The following CFAP299 variants were observed in gnomAD, a reference collection of about 807,000 sequenced individuals.
CFAP299 encodes the protein cilia and flagella associated protein 299.
Under a neutral mutation model 27.0 loss-of-function variants are expected in CFAP299, and 21 were observed. The ratio of observed to expected loss-of-function variants is 0.78; its 90% CI spans 0.55 to 1.12. CFAP299 has a LOEUF of 1.12. CFAP299 is among the 50% of genes most tolerant of loss of function. The pLI, the probability that CFAP299 is intolerant of heterozygous loss-of-function variation, is 0.00. For synonymous variants in CFAP299, 104 were observed against 98.1 expected (o/e 1.06, Z -0.36); for missense variants, 310 against 276.6 (o/e 1.12, Z -0.86).
intron 2 of CFAP299, among the ~76,000 whole-genome samples, chr4:80,573,481 T>G (rs1396319013): frequency 6.6e-6 from 1 of 152,144 alleles, no homozygotes; most frequent in Non-Finnish European, 1.5e-5. Flanking sequence ...ATCCCATTTT[T>G]CTATTTTTGC....
At chr4:80,502,428 C>T (rs916960771) in intron 2 of CFAP299, among the ~76,000 whole-genome samples, 1 of 152,148 alleles carries the variant, frequency 6.6e-6, no homozygotes, top group Admixed American at 6.5e-5. Context: ...TTAGTGAGTT[C>T]AAGTTGCAGA....
chr4:80,752,661 C>T (rs1384142028), intron 3 of CFAP299, among the ~76,000 whole-genome samples: 2 of 151,474 alleles, frequency 1.3e-5, no homozygotes, highest in Admixed American at 1.3e-4. Context: ...TTAAATGTGG[C>T]AAAATCTGTG....
rs1404228646 is a variant in CFAP299, at chr4:80,555,724, G to T, written c.243-27369G>T. Among the ~76,000 whole-genome samples, 3 of 151,954 alleles carry T rather than the reference G, an allele frequency of 2.0e-5. No individual in the cohort carries two copies. The East Asian group carries it at 5.8e-4, about 29-fold the overall frequency. On this transcript the variant is annotated intron_variant, in intron 2 of 5. Coordinates refer to ENST00000358105, the MANE Select transcript of CFAP299 (RefSeq NM_152770.3). ...TTTCATTTCTTCCTTGTTCAGTCTT[G>T]GGAGGATGTATGTGTCCAGGAATTT...
rs189973764 is a variant in CFAP299 at position 80,596,033 on chromosome 4, G to T, written c.333+12850G>T. On this transcript the variant is annotated intron_variant, in intron 3 of 5. Coordinates refer to ENST00000358105, the MANE Select transcript of CFAP299 (RefSeq NM_152770.3). Reference sequence around the variant, plus strand: ...ATGAAACAGAATTGACCAAATGAAAGATCTTATTTTATATAATTATCTTTT... The same window carrying T: ...ATGAAACAGAATTGACCAAATGAAATATCTTATTTTATATAATTATCTTTT... 5.2e-3 allele frequency among the ~76,000 whole-genome samples: 790 copies of T among 152,168 alleles called. 4 individuals carry two copies. Among genetic ancestry groups the T allele is most frequent in the Middle Eastern group, 0.01 (3 of 294 alleles).
intron 4 of CFAP299, among the ~76,000 whole-genome samples, chr4:80,902,492 AT>A (rs1734965961): frequency 8.6e-6 from 1 of 116,682 alleles, no homozygotes; most frequent in African/African-American, 5.0e-5. Context: ...GTATATATAC[AT>A]ATATATGGAT....
At chr4:80,861,621 C>T (rs1172160357) in intron 3 of CFAP299, among the ~76,000 whole-genome samples, 1 of 152,130 alleles carries the variant, frequency 6.6e-6, no homozygotes, top group Non-Finnish European at 1.5e-5. Flanking sequence ...ATGAAAGATA[C>T]CCACTTGTGT....
At chr4:80,722,750 A>G (rs996653689) in intron 3 of CFAP299, among the ~76,000 whole-genome samples, 3 of 151,902 alleles carry the variant, frequency 2.0e-5, no homozygotes, top group African/African-American at 7.3e-5. Context: ...AATACAAAAA[A>G]TTAGCCGGGC....
At chr4:80,623,772 C>G (rs1738730184) in intron 3 of CFAP299, among the ~76,000 whole-genome samples, 1 of 152,094 alleles carries the variant, frequency 6.6e-6, no homozygotes, top group Non-Finnish European at 1.5e-5. Flanking sequence ...AAGGCAGACC[C>G]CCACAGCCCC....
chr4:80,401,699 A>G (rs1391915332), intron 2 of CFAP299, among the ~76,000 whole-genome samples: 1 of 152,232 alleles, frequency 6.6e-6, no homozygotes, highest in East Asian at 1.9e-4. Flanking sequence ...CTCCCCAAGC[A>G]GAGTCCCTAC....
intron 3 of CFAP299, among the ~76,000 whole-genome samples, chr4:80,833,308 T>A: frequency 6.6e-6 from 1 of 152,270 alleles, no homozygotes; most frequent in Middle Eastern, 3.4e-3. Context: ...TACTGATAGT[T>A]CACATGAACA....
chr4:80,334,173 A>T (rs976116856), upstream of CFAP299, among the ~76,000 whole-genome samples: 8 of 152,234 alleles, frequency 5.3e-5, no homozygotes, highest in Non-Finnish European at 1.2e-4. Flanking sequence ...TTCATCAAAG[A>T]GATGTTGACC....
chr4:80,660,062 A>T (rs1297694092), intron 3 of CFAP299, among the ~76,000 whole-genome samples: 1 of 152,154 alleles, frequency 6.6e-6, no homozygotes, highest in Non-Finnish European at 1.5e-5. Flanking sequence ...TTGGGGCAAT[A>T]GGCAGTATAG....
intron 3 of CFAP299, among the ~76,000 whole-genome samples, chr4:80,683,057 A>G (rs1052537275): frequency 1.3e-5 from 2 of 152,168 alleles, no homozygotes; most frequent in African/African-American, 4.8e-5. Flanking sequence ...CACCTGGTCC[A>G]CAGATTTTGT....
intron 3 of CFAP299, among the ~76,000 whole-genome samples, chr4:80,606,424 A>G (rs976154800): frequency 2.6e-5 from 4 of 152,048 alleles, no homozygotes; most frequent in African/African-American, 4.8e-5. Flanking sequence ...AATCCCAGCT[A>G]CTCGGGGGGC....
chr4:80,690,727 A>G (rs943057505), intron 3 of CFAP299, among the ~76,000 whole-genome samples: 5 of 152,104 alleles, frequency 3.3e-5, no homozygotes, highest in African/African-American at 1.2e-4. Context: ...GACACAAAAA[A>G]CCCTTCAAAA....
At chr4:80,651,775 AG>A (rs1160834794) in intron 3 of CFAP299, among the ~76,000 whole-genome samples, 4 of 150,660 alleles carry the variant, frequency 2.7e-5, no homozygotes, top group African/African-American at 9.8e-5. Flanking sequence ...AAATAGGCAC[AG>A]AAGAGACAAA....
intron 2 of CFAP299, among the ~76,000 whole-genome samples, chr4:80,367,359 C>A (rs1162736007): frequency 6.6e-6 from 1 of 152,114 alleles, no homozygotes; most frequent in East Asian, 1.9e-4. Context: ...TAAATTGATT[C>A]TTAAAGGCTC....
chr4:80,821,696 A>C (rs538011699), intron 3 of CFAP299, among the ~76,000 whole-genome samples: 131 of 152,182 alleles, frequency 8.6e-4, no homozygotes, highest in African/African-American at 3.0e-3. Context: ...CTTTATTTTC[A>C]TTTCCTTGAC....
At chr4:80,937,284 CA>C (rs1404774820) in intron 4 of CFAP299, among the ~76,000 whole-genome samples, 1 of 113,388 alleles carries the variant, frequency 8.8e-6, no homozygotes, top group African/African-American at 3.7e-5. Context: ...CATAGAATAT[CA>C]TTTTTCTTTT....
Sources: allele counts gnomAD v4.1 joint callset (sites outside exome capture counted in the v4.1 genomes callset), GRCh38; gene constraint gnomAD v4.1.1; transcripts MANE v1.5; gene names NCBI Gene and HGNC (gene_info 2026-07-23, HGNC 2026-07-21).